The following DNAH17 variants were observed in gnomAD, a reference collection of about 807,000 sequenced individuals.
DNAH17 encodes axonemal beta dynein heavy chain 17.
In DNAH17, 376 loss-of-function variants were observed where a neutral mutation model predicts 485.6. The observed-to-expected ratio is 0.77, with a 90% CI of 0.71 to 0.84. The LOEUF (loss-of-function observed/expected upper bound fraction) is 0.84. DNAH17 is among the 40% of genes least tolerant of loss of function. DNAH17 has a pLI of 0.00. For synonymous variants in DNAH17, 3,031 were observed against 2,405.9 expected (o/e 1.26, Z -7.60); for missense variants, 6,370 against 5,839.3 (o/e 1.09, Z -2.96).
At position 78,499,054 on chromosome 17, in the gene DNAH17, T is replaced by A; in HGVS notation, c.5699A>T (p.Glu1900Val). ...GACTTCCACTGAGATGCGATTAAAC[T>A]CGTCAAAGCAGCCCCAGGCTCCCGT... The part of the protein sequence containing the change: ...AQTGAWGCFD[E>V]FNRISVEVLS... The change falls in exon 37 of 81, where the codon GAG (glutamate) becomes GTG (valine). Residue 1900 changes from glutamate to valine, a missense_variant. Physicochemically the swap from Glu to Val is moderately radical, Grantham distance 121. Transcript: ENST00000389840. The A allele has an allele frequency of 6.2e-7, 1 of 1,610,778 alleles. No homozygotes were observed. The highest frequency in any genetic ancestry group is 1.1e-5 in the South Asian group (1 of 90,478).
At chr17:78,564,103 G>A (rs2092217615) in intron 11 of DNAH17, among the ~76,000 whole-genome samples, 1 of 152,250 alleles carries the variant, frequency 6.6e-6, no homozygotes, top group African/African-American at 2.4e-5. Flanking sequence ...GTCGGGTTGG[G>A]TTTCTTCCAG....
Position 78,510,504 on chromosome 17 carries a change from C to T in DNAH17, c.4116G>A (p.Val1372=), listed in dbSNP as rs758951397. 6.2e-7 allele frequency: 1 copy of T among 1,613,696 alleles called. No homozygotes were observed. The highest frequency in any genetic ancestry group is 2.2e-5 in the East Asian group (1 of 44,872). The change falls in exon 27 of 81, where the codon GTG becomes GTA. Residue 1372 remains valine, a splice_region_variant and synonymous_variant. Transcript: ENST00000389840. ...HWQQLMQATQ[V]KFKMSEETTL... ...TCGTCTCTTCTGACATTTTAAATTT[C>T]ACCTAAGGGAAAAAAATCCAGGCAG...
chr17:78,552,745 C>T lies in DNAH17; in HGVS notation c.2239G>A (p.Asp747Asn), dbSNP rs775000667. ...LLIKSELEAI[D>N]VKLLSAETTL... ...GTTTCAGCGCTCAATAACTTGACAT[C>T]AATTGCTTCCAGTTCTGACTTTATT... The change falls in exon 15 of 81, where the codon GAT becomes AAT. Residue 747 changes from aspartate (D) to asparagine (N), a missense_variant. Transcript: ENST00000389840. The T allele has an allele frequency of 6.2e-7, 1 of 1,613,950 alleles. No homozygotes were observed. Among genetic ancestry groups the T allele is most frequent in the East Asian group, 2.2e-5 (1 of 44,882 alleles).
intron 80 of DNAH17, 152 bp downstream of exon 80, chr17:78,425,194 A>T: frequency 1.4e-6 from 1 of 726,376 alleles, no homozygotes; most frequent in Non-Finnish European, 2.2e-6. Flanking sequence ...CGTGGCTCTG[A>T]CCTGCAGGCT....
chr17:78,495,880 T>A lies in DNAH17; in HGVS notation c.5898A>T (p.Leu1966Phe). ...CTTTCACCTGGGCCACGTACCTGAA[T>A]AAGGCTTTTAGGTTCTCAGGCAGCT... ...RAELPENLKA[L>F]FRPCAMVVPD... is the part of the protein sequence containing the mutation. The change falls in exon 38 of 81, where the codon TTA becomes TTT. Residue 1966 changes from leucine (L) to phenylalanine (F), a missense_variant. Physicochemically the swap from Leu to Phe is conservative, Grantham distance 22. Transcript: ENST00000389840. 6.2e-6 allele frequency: 10 copies of A among 1,613,068 alleles called. No individual in the cohort carries two copies. In the South Asian group the frequency reaches 9.9e-5, roughly 16 times the overall value.
intron 72 of DNAH17, among the ~76,000 whole-genome samples, chr17:78,439,897 T>C (rs1598451099): frequency 6.6e-6 from 1 of 152,036 alleles, no homozygotes; most frequent in East Asian, 1.9e-4. Flanking sequence ...CTCAAACTCC[T>C]GACCTCAGGC....
intron 56 of DNAH17, among the ~76,000 whole-genome samples, chr17:78,464,197 G>A (rs2088296033): frequency 6.6e-6 from 1 of 152,234 alleles, no homozygotes; most frequent in South Asian, 2.1e-4. Flanking sequence ...AAGTGAGCCA[G>A]GGTTTATGGG....
At position 78,537,433 on chromosome 17, in the gene DNAH17, C is replaced by G; in HGVS notation, c.2725G>C (p.Gly909Arg). The G allele has an allele frequency of 6.2e-7, 1 of 1,613,444 alleles. No homozygotes were observed. Among genetic ancestry groups the G allele is most frequent in the Non-Finnish European group, 8.5e-7 (1 of 1,179,858 alleles). The change falls in exon 19 of 81, where the codon GGG (glycine) becomes CGG (arginine). Residue 909 changes from glycine to arginine, a missense_variant. Coordinates refer to ENST00000389840, the MANE Select transcript of DNAH17 (RefSeq NM_173628.4). ...FEIRMELDED[G>R]LTFNPTLEVG... ...TCCAGGGTCGGGTTGAAGGTCAGCC[C>G]ATCCTCGTCCAGCTCCATGCGGATC...
intron 19 of DNAH17, among the ~76,000 whole-genome samples, chr17:78,536,825 TGTG>T (rs2091387134): frequency 6.6e-6 from 1 of 151,820 alleles, no homozygotes; most frequent in African/African-American, 2.4e-5. Context: ...GGACGACAGA[TGTG>T]GGAGTGGGGA....
rs375735864 is a variant in DNAH17 at position 78,554,717 on chromosome 17, T to C, written c.2179-1912A>G. On this transcript the variant is annotated intron_variant, in intron 14 of 80. Transcript: ENST00000389840. ...TTAAAAATACACACTAGATGCTGATTTGCCTTTCAGAATAATTCTTTACAT... is the reference window on the plus strand; with the variant it reads ...TTAAAAATACACACTAGATGCTGATCTGCCTTTCAGAATAATTCTTTACAT... Among the ~76,000 whole-genome samples, 49 of 152,274 alleles carry C rather than the reference T, an allele frequency of 3.2e-4. 1 individual carries two copies. The highest frequency in any genetic ancestry group is 1.0e-3 in the African/African-American group (43 of 41,556).
intron 19 of DNAH17, among the ~76,000 whole-genome samples, chr17:78,534,837 A>G (rs754485434): frequency 8.6e-5 from 13 of 151,748 alleles, no homozygotes; most frequent in African/African-American, 2.2e-4. Flanking sequence ...CCCACATTCT[A>G]TCTCCTCCTT....
At chr17:78,427,208 C>T in intron 77 of DNAH17, 100 bp from the exon 78 acceptor site, 1 of 1,284,002 alleles carries the variant, frequency 7.8e-7, no homozygotes, top group Non-Finnish European at 1.1e-6. Flanking sequence ...GCCCCAAGTC[C>T]TGGAGAGGAG....
rs2088609461 is a variant in DNAH17 at position 78,468,782 on chromosome 17, C to T, written c.8613G>A (p.Leu2871=). 2.5e-6 allele frequency: 4 copies of T among 1,614,036 alleles called. No homozygotes were observed. The East Asian group carries it at 8.9e-5, about 36-fold the overall frequency. The stretch of plus-strand genomic sequence containing the variant: ...CTCCTGAGGCCAGCAGGTCATTGAT[C>T]AGCACCAGAAACTGCTCCTCGGCCA... ...SQVAEEQFLV[L]INDLLASGEI... is the part of the protein sequence containing the mutation. Residue 2871 remains leucine (L), a synonymous_variant, in exon 55 of 81, where the codon CTG becomes CTA. Coordinates refer to ENST00000389840, the MANE Select transcript of DNAH17 (RefSeq NM_173628.4).
Position 78,515,031 on chromosome 17 carries a change from A to G in DNAH17, c.3865-9T>C. ...TCGATGCTGGTATTTACCTGAAACGAAAACATCCCGTTTCTCCTTCCACTC... is the reference window on the plus strand; with the variant it reads ...TCGATGCTGGTATTTACCTGAAACGGAAACATCCCGTTTCTCCTTCCACTC... On this transcript the variant is annotated splice_polypyrimidine_tract_variant and intron_variant, in intron 25 of 80. Transcript: ENST00000389840. 6.2e-7 allele frequency: 1 copy of G among 1,612,822 alleles called. No homozygotes were observed. Among genetic ancestry groups the G allele is most frequent in the Non-Finnish European group, 8.5e-7 (1 of 1,178,870 alleles).
intron 33 of DNAH17, 172 bp downstream of exon 33, chr17:78,502,419 T>C: frequency 1.8e-6 from 1 of 570,046 alleles, no homozygotes; most frequent in Non-Finnish European, 3.1e-6. Flanking sequence ...CCTGGGGCTG[T>C]GGTGCGTGGC....
rs375295297 is a variant in DNAH17, at chr17:78,532,478, G to T, written c.3114+4C>A. The T allele has an allele frequency of 1.2e-6, 2 of 1,607,624 alleles. No individual in the cohort carries two copies. Among genetic ancestry groups the T allele is most frequent in the East Asian group, 4.5e-5 (2 of 44,816 alleles). The stretch of plus-strand genomic sequence containing the variant: ...GGAGGCTGGTGGGTGAGGTCTGCAC[G>T]CACCTGCTCCTGGAACTGAGCCAGG... On this transcript the variant is annotated splice_donor_region_variant and intron_variant, in intron 20 of 80. Transcript: ENST00000389840.
intron 16 of DNAH17, among the ~76,000 whole-genome samples, chr17:78,549,846 C>T (rs566283306): frequency 1.1e-4 from 17 of 152,292 alleles, no homozygotes; most frequent in South Asian, 6.2e-4. Context: ...TGAGACCCTG[C>T]ACCTGCTGCG....
In DNAH17 at chr17:78,451,487, T is replaced by C. The variant is rs2087551132; in HGVS notation, c.10716A>G (p.Pro3572=). The part of the protein sequence containing the change: ...LLAAVVAKER[P]DLEQLKANLT... ...CCATTACCTTCAGCTGTTCCAGATC[T>C]GGGCGCTCTTTGGCCACCACAGCGG... The change falls in exon 66 of 81, where the codon CCA becomes CCG. Residue 3572 remains proline (P), a synonymous_variant. Transcript: ENST00000389840. The C allele has an allele frequency of 6.2e-7, 1 of 1,611,954 alleles. No individual in the cohort carries two copies. The highest frequency in any genetic ancestry group is 1.3e-5 in the African/African-American group (1 of 74,822).
At chr17:78,455,122 T>A (rs879814257) in intron 63 of DNAH17, among the ~76,000 whole-genome samples, 2 of 151,640 alleles carry the variant, frequency 1.3e-5, no homozygotes, top group African/African-American at 2.4e-5. Flanking sequence ...GTTGGCCAGG[T>A]TGGTTTTGAA....
Sources: allele counts gnomAD v4.1 joint callset (sites outside exome capture counted in the v4.1 genomes callset), GRCh38; gene constraint gnomAD v4.1.1; transcripts MANE v1.5; gene names NCBI Gene and HGNC (gene_info 2026-07-23, HGNC 2026-07-21).